The following ABCC6 variants were observed in gnomAD, a reference collection of about 807,000 sequenced individuals.
ABCC6 encodes the protein ATP binding cassette subfamily C member 6.
ABCC6 carries 126 observed loss-of-function variants against 169.5 expected under a neutral mutation model. That is an observed-to-expected ratio of 0.74 (90% CI 0.64 to 0.86). ABCC6 has a LOEUF of 0.86. Ranked by LOEUF, ABCC6 falls within the 40% of genes least tolerant of loss-of-function variation. The pLI is 0.00. For missense variants in ABCC6, 1,733 were observed against 1,927.2 expected (o/e 0.90, Z 1.89); for synonymous variants, 752 against 814.7 (o/e 0.92, Z 1.31).
In ABCC6 at chr16:16,202,098, G is replaced by C. The variant is rs1039952155; in HGVS notation, c.1079C>G (p.Ala360Gly). ...YLLAVLMFLSACLQTLFEQQN... is the reference protein window; with the variant it reads ...YLLAVLMFLSGCLQTLFEQQN... ...CTGCTCAAACAGCGTTTGCAGGCAG[G>C]CTGAGAGGAACATCAGCACGGCGAG... The change falls in exon 9 of 31, where the codon GCC becomes GGC. Residue 360 changes from alanine to glycine, a missense_variant. Ala to Gly is a moderately conservative substitution (Grantham distance 60). This residue lies in a region of ABCC6 where 1,601 missense variants were observed against 1,635.5 expected (regional missense o/e 0.98). Coordinates refer to ENST00000205557, the MANE Select transcript of ABCC6 (RefSeq NM_001171.6). The C allele has an allele frequency of 3.7e-6, 6 of 1,614,016 alleles. No homozygotes were observed. In the African/African-American group the frequency reaches 6.7e-5, roughly 18 times the overall value.
intron 23 of ABCC6, 72 bp downstream of exon 23, chr16:16,165,551 T>A (rs989943926): frequency 6.5e-7 from 1 of 1,532,634 alleles, no homozygotes; most frequent in Admixed American, 1.7e-5. Context: ...ATATATGGAG[T>A]CTTCCCCAGA....
intron 12 of ABCC6, among the ~76,000 whole-genome samples, chr16:16,189,261 G>A (rs1437092728): frequency 6.6e-6 from 1 of 152,210 alleles, no homozygotes; most frequent in East Asian, 1.9e-4. Flanking sequence ...ATGCCTCTAG[G>A]TTCCAGGCAT....
chr16:16,159,668 G>C (rs1567471715), intron 25 of ABCC6, 85 bp from the exon 26 acceptor site: 5 of 1,254,310 alleles, frequency 4.0e-6, no homozygotes, highest in Non-Finnish European at 5.7e-6. Flanking sequence ...AACCTTTTCT[G>C]GGAGGCCAGA....
At position 16,203,539 on chromosome 16, in the gene ABCC6, C is replaced by A. The variant is rs765786719; in HGVS notation, c.869G>T (p.Arg290Leu). 6.2e-7 allele frequency: 1 copy of A among 1,614,004 alleles called. No individual in the cohort carries two copies. Among genetic ancestry groups the A allele is most frequent in the South Asian group, 1.1e-5 (1 of 91,068 alleles). The stretch of plus-strand genomic sequence containing the variant: ...TGGGCGCCACTGGCTCCCTTCTTGC[C>A]GTAGGAAGGGCTCGGTCTCTGGAGC... ...MKAPETEPFL[R>L]QEGSQWRPLL... is the part of the protein sequence containing the mutation. Residue 290 changes from arginine (R) to leucine (L), a missense_variant, in exon 8 of 31, where the codon CGG (arginine) becomes CTG (leucine). Physicochemically the swap from Arg to Leu is moderately radical, Grantham distance 102 (BLOSUM62 -2). Coordinates refer to ENST00000205557, the MANE Select transcript of ABCC6 (RefSeq NM_001171.6).
At chr16:16,152,187 T>C (rs1240375298) in intron 29 of ABCC6, among the ~76,000 whole-genome samples, 9 of 42,250 alleles carry the variant, frequency 2.1e-4, no homozygotes, top group Non-Finnish European at 3.3e-4. Flanking sequence ...AGCAAGACTC[T>C]GTCTCAAAAA....
At chr16:16,189,920 T>C (rs933036483) in intron 12 of ABCC6, among the ~76,000 whole-genome samples, 5 of 152,086 alleles carry the variant, frequency 3.3e-5, no homozygotes, top group African/African-American at 9.7e-5. Context: ...CCCACATCGG[T>C]AGAAGCCTGG....
At chr16:16,202,552 G>A (rs1471394907) in intron 8 of ABCC6, among the ~76,000 whole-genome samples, 1 of 137,104 alleles carries the variant, frequency 7.3e-6, no homozygotes, top group Non-Finnish European at 1.5e-5. Flanking sequence ...ATTAGGCTGG[G>A]CCCTAATCCA....
chr16:16,208,963 C>T, intron 6 of ABCC6, 104 bp from the exon 7 acceptor site: 2 of 1,571,308 alleles, frequency 1.3e-6, no homozygotes, highest in South Asian at 2.2e-5. Flanking sequence ...CTTTACCTCT[C>T]TGTACCTCTA....
At chr16:16,176,763 G>A (rs1323115713) in intron 19 of ABCC6, among the ~76,000 whole-genome samples, 1 of 152,216 alleles carries the variant, frequency 6.6e-6, no homozygotes, top group Non-Finnish European at 1.5e-5. Flanking sequence ...TCCCAGTGCT[G>A]CCACTTACAA....
chr16:16,150,362 T>A, intron 30 of ABCC6, 121 bp from the exon 31 acceptor site: 1 of 1,544,444 alleles, frequency 6.5e-7, no homozygotes, highest in Non-Finnish European at 8.8e-7. Context: ...TCCATGCGGC[T>A]CCCTGGCCCT....
chr16:16,203,567 T>G lies in ABCC6; in HGVS notation c.841A>C (p.Lys281Gln). The G allele has an allele frequency of 2.5e-6, 4 of 1,614,014 alleles. No homozygotes were observed. The highest frequency in any genetic ancestry group is 3.4e-6 in the Non-Finnish European group (4 of 1,179,870). Residue 281 changes from lysine to glutamine, a missense_variant, in exon 8 of 31, where the codon AAG becomes CAG. This residue lies in a region of ABCC6 where 1,601 missense variants were observed against 1,635.5 expected (regional missense o/e 0.98). Coordinates refer to ENST00000205557, the MANE Select transcript of ABCC6 (RefSeq NM_001171.6). ...AGGAAGGGCTCGGTCTCTGGAGCCT[T>G]CATGCCACTGCCGCCTTTCCTTTTA... is the stretch of plus-strand genomic sequence containing the variant. ...AFKRKGGSGM[K>Q]APETEPFLRQ...
chr16:16,204,341 C>G (rs2152284761), intron 7 of ABCC6, among the ~76,000 whole-genome samples: 1 of 152,266 alleles, frequency 6.6e-6, no homozygotes, highest in Admixed American at 6.5e-5. Context: ...CAGATGTGAG[C>G]CACCACACCT....
intron 10 of ABCC6, among the ~76,000 whole-genome samples, chr16:16,195,268 T>G (rs2047995190): frequency 6.6e-6 from 1 of 150,826 alleles, no homozygotes; most frequent in South Asian, 2.1e-4. Flanking sequence ...AGTAACATGG[T>G]GCATTATCTA....
intron 10 of ABCC6, among the ~76,000 whole-genome samples, chr16:16,193,607 G>A (rs941641980): frequency 1.2e-4 from 19 of 152,120 alleles, no homozygotes; most frequent in Admixed American, 7.9e-4. Flanking sequence ...CCAGCTACTC[G>A]AGAGGCTGAG....
At position 16,182,912 on chromosome 16, in the gene ABCC6, G is replaced by C; in HGVS notation, c.1962C>G (p.Pro654=). ...CGACAACAGCCAGCAGACAGCCCTG[G>C]GGCACCGTGAGGTTTATTCTGGACA... The part of the protein sequence containing the change: ...PCLHRINLTV[P]QGCLLAVVGP... The change falls in exon 16 of 31, where the codon CCC becomes CCG. Residue 654 remains proline (P), a synonymous_variant. Transcript: ENST00000205557. 6.2e-7 allele frequency: 1 copy of C among 1,614,104 alleles called. No homozygotes were observed. Among genetic ancestry groups the C allele is most frequent in the Non-Finnish European group, 8.5e-7 (1 of 1,179,976 alleles).
chr16:16,205,087 C>G (rs781586551), intron 7 of ABCC6, among the ~76,000 whole-genome samples: 2 of 151,966 alleles, frequency 1.3e-5, no homozygotes, highest in Non-Finnish European at 2.9e-5. Context: ...CCACCTGCCT[C>G]GGCCTCCCAA....
At chr16:16,214,481 G>A (rs1214937456) in intron 4 of ABCC6, 32 bp from the exon 5 acceptor site, 2 of 1,551,634 alleles carry the variant, frequency 1.3e-6, no homozygotes, top group East Asian at 4.9e-5. Context: ...ATAAGGAATG[G>A]AGACAGAGGA....
chr16:16,179,063 G>C (rs932991440), intron 17 of ABCC6, 98 bp from the exon 18 acceptor site: 81 of 1,342,808 alleles, frequency 6.0e-5, no homozygotes, highest in Admixed American at 2.9e-4. Context: ...GCCCATCAGG[G>C]TGAGGTACAG....
At chr16:16,187,079 A>G in intron 14 of ABCC6, 45 bp downstream of exon 14, 1 of 1,519,946 alleles carries the variant, frequency 6.6e-7, no homozygotes, top group East Asian at 2.3e-5. Flanking sequence ...TGGCCCCCAC[A>G]TCCCCCATCC....
Sources: allele counts gnomAD v4.1 joint callset (sites outside exome capture counted in the v4.1 genomes callset), GRCh38; gene constraint gnomAD v4.1.1; regional missense constraint gnomAD v4.1.1; transcripts MANE v1.5; gene names NCBI Gene and HGNC (gene_info 2026-07-23, HGNC 2026-07-21).